The following PLPP4 variants were observed in gnomAD, a reference collection of about 807,000 sequenced individuals.
PLPP4 encodes the protein diacylglycerol pyrophosphate like 2.
In PLPP4, 20 loss-of-function variants were observed where a neutral mutation model predicts 32.2. The observed-to-expected ratio is 0.62, with a 90% CI of 0.44 to 0.90. The LOEUF is 0.90. Among genes scored for constraint, PLPP4 ranks in the 40% least tolerant of loss-of-function variants. PLPP4 has a pLI of 0.00. For synonymous variants in PLPP4, 127 were observed against 133.0 expected, an observed-to-expected ratio of 0.95 and a Z score of 0.31; for missense variants, 257 against 353.1, an observed-to-expected ratio of 0.73 and a Z score of 2.18.
At chr10:120,557,049 A>G (rs1455501282) in intron 5 of PLPP4, among the ~76,000 whole-genome samples, 1 of 152,126 alleles carries the variant, frequency 6.6e-6, no homozygotes, top group Non-Finnish European at 1.5e-5. Context: ...GGCATGTTTC[A>G]TTGCTAATAA....
intron 1 of PLPP4, among the ~76,000 whole-genome samples, chr10:120,462,773 C>CAT (rs201184541): frequency 0.057 from 8,710 of 152,224 alleles, 374 homozygotes; most frequent in South Asian, 0.12. Flanking sequence ...ACAGGGGCTC[C>CAT]TTCCATCCGC....
chr10:120,521,713 C>G (rs1846164309), intron 5 of PLPP4, among the ~76,000 whole-genome samples: 1 of 152,186 alleles, frequency 6.6e-6, no homozygotes, highest in African/African-American at 2.4e-5. Flanking sequence ...CTCCCTGTGC[C>G]TCAGTTCCTG....
chr10:120,459,192 T>C (rs1411686943), intron 1 of PLPP4, among the ~76,000 whole-genome samples: 1 of 152,240 alleles, frequency 6.6e-6, no homozygotes, highest in Non-Finnish European at 1.5e-5. Flanking sequence ...AGGCAGTTTA[T>C]GTTCTGTTCT....
chr10:120,588,293 A>G (rs1849854583), intron 6 of PLPP4, among the ~76,000 whole-genome samples: 1 of 152,174 alleles, frequency 6.6e-6, no homozygotes, highest in African/African-American at 2.4e-5. Context: ...GAACTACCTG[A>G]ATGTTCTCTT....
intron 5 of PLPP4, among the ~76,000 whole-genome samples, chr10:120,551,420 T>C (rs1847898746): frequency 6.6e-6 from 1 of 152,194 alleles, no homozygotes; most frequent in Admixed American, 6.5e-5. Flanking sequence ...TAAAAGGTCT[T>C]GTACAAAATA....
intron 3 of PLPP4, among the ~76,000 whole-genome samples, chr10:120,518,167 T>C (rs896552255): frequency 7.2e-5 from 11 of 152,338 alleles, no homozygotes; most frequent in Non-Finnish European, 1.6e-4. Flanking sequence ...GGCAAAGTCT[T>C]CCCAGACTGT....
At chr10:120,532,235 A>G (rs1367296168) in intron 5 of PLPP4, among the ~76,000 whole-genome samples, 2 of 152,196 alleles carry the variant, frequency 1.3e-5, no homozygotes, top group Admixed American at 6.5e-5. Context: ...TGCAAAGGAC[A>G]TGAACTCATC....
At chr10:120,525,416 C>A (rs561254184) in intron 5 of PLPP4, among the ~76,000 whole-genome samples, 1 of 152,134 alleles carries the variant, frequency 6.6e-6, no homozygotes, top group East Asian at 1.9e-4. Context: ...TTTTAAATGA[C>A]GGAGAAAGCC....
At chr10:120,567,158 A>T (rs2134029092) in intron 5 of PLPP4, among the ~76,000 whole-genome samples, 1 of 152,332 alleles carries the variant, frequency 6.6e-6, no homozygotes, top group African/African-American at 2.4e-5. Flanking sequence ...TCTAACATTT[A>T]ATTATTTCAA....
At chr10:120,570,142 T>A (rs1848867349) in intron 5 of PLPP4, among the ~76,000 whole-genome samples, 1 of 152,128 alleles carries the variant, frequency 6.6e-6, no homozygotes, top group Non-Finnish European at 1.5e-5. Context: ...TGGGAGGTAC[T>A]CAACCTCTGA....
intron 1 of PLPP4, among the ~76,000 whole-genome samples, chr10:120,471,288 T>C (rs1309637452): frequency 6.6e-6 from 1 of 152,128 alleles, no homozygotes; most frequent in Admixed American, 6.6e-5. Context: ...ACCAACTTAT[T>C]ATGTGTTTTC....
Position 120,580,642 on chromosome 10 carries a change from T to TACACACACAC in PLPP4, c.616+5370_616+5379dup, listed in dbSNP as rs59076083. On this transcript the variant is annotated intron_variant, in intron 6 of 6. Transcript: ENST00000398250. ...CATCTCTCTGTCTGCCTCTGTCTCTTACACACACACACACACACACACACA... is the reference window on the plus strand; with the variant it reads ...CATCTCTCTGTCTGCCTCTGTCTCTTACACACACACACACACACACACACACACACACACA... Among the ~76,000 whole-genome samples, 491 of 95,740 alleles carry TACACACACAC rather than the reference T, an allele frequency of 5.1e-3. 5 individuals carry two copies. The highest frequency in any genetic ancestry group is 5.4e-3 in the Middle Eastern group (1 of 184). The allele number at this position is 95,740 out of a possible 152,430, so 62.8% of individuals were successfully genotyped here.
At chr10:120,489,239 TTGG>T (rs1402478009) in intron 1 of PLPP4, among the ~76,000 whole-genome samples, 2 of 152,170 alleles carry the variant, frequency 1.3e-5, no homozygotes, top group African/African-American at 4.8e-5. Context: ...CGTTGGAGAA[TTGG>T]TGGTGATAGC....
At chr10:120,486,501 A>ATTAATGGG (rs1844464077) in intron 1 of PLPP4, among the ~76,000 whole-genome samples, 1 of 152,212 alleles carries the variant, frequency 6.6e-6, no homozygotes, top group African/African-American at 2.4e-5. Context: ...TAATACTAGT[A>ATTAATGGG]CATCATTCAT....
At chr10:120,494,347 C>A (rs188221816) in intron 1 of PLPP4, among the ~76,000 whole-genome samples, 1 of 152,330 alleles carries the variant, frequency 6.6e-6, no homozygotes, top group East Asian at 1.9e-4. Context: ...GCAACTGAGG[C>A]CTGACAAGTC....
rs189724009 is a variant in PLPP4, at chr10:120,576,297, C to G, written c.616+996C>G. ...GGTCTGTGACCCAAACCTCCTCTCC[C>G]TTTCTTGTTTTCCGACTGTTGCTGG... On this transcript the variant is annotated intron_variant, in intron 6 of 6. Transcript: ENST00000398250. Among the ~76,000 whole-genome samples the G allele has an allele frequency of 2.0e-5, 3 of 152,346 alleles. No homozygotes were observed. In the East Asian group the frequency reaches 5.8e-4, roughly 29 times the overall value.
chr10:120,502,945 A>C (rs1845329307), intron 1 of PLPP4, among the ~76,000 whole-genome samples: 1 of 152,054 alleles, frequency 6.6e-6, no homozygotes, highest in Admixed American at 6.5e-5. Context: ...CCCAAACCAG[A>C]AGCCTAGGAA....
At chr10:120,522,758 T>C (rs562970396) in intron 5 of PLPP4, among the ~76,000 whole-genome samples, 1 of 152,174 alleles carries the variant, frequency 6.6e-6, no homozygotes, top group Non-Finnish European at 1.5e-5. Flanking sequence ...AGAGAGTAGA[T>C]TTCAGGTGCT....
chr10:120,513,753 C>A (rs750311910), intron 2 of PLPP4, among the ~76,000 whole-genome samples, 158 bp from the exon 3 acceptor site: 1 of 112,142 alleles, frequency 8.9e-6, no homozygotes, highest in Non-Finnish European at 1.8e-5. Context: ...TAAACACAGA[C>A]ATACATCATC....
Sources: allele counts gnomAD v4.1 joint callset (sites outside exome capture counted in the v4.1 genomes callset), GRCh38; gene constraint gnomAD v4.1.1; transcripts MANE v1.5; gene names NCBI Gene and HGNC (gene_info 2026-07-23, HGNC 2026-07-21).